DIP2C: variants seen among roughly 807,000 people sequenced by gnomAD.
DIP2C encodes the protein disco-interacting protein 2 homolog C.
DIP2C carries 33 observed loss-of-function variants against 192.4 expected under a neutral mutation model. The ratio of observed to expected loss-of-function variants is 0.17; its 90% confidence interval spans 0.13 to 0.23. The LOEUF (loss-of-function observed/expected upper bound fraction) is 0.23, where lower values mean the gene tolerates loss of function less well. Among genes scored for constraint, DIP2C ranks in the 10% least tolerant of loss-of-function variants. DIP2C has a pLI of 1.00. For missense variants in DIP2C, 1,537 were observed against 2,110.1 expected (o/e 0.73, Z 5.32); for synonymous variants, 979 against 864.1 (o/e 1.13, Z -2.33).
chr10:404,310 G>A (rs1325245684), intron 9 of DIP2C, among the ~76,000 whole-genome samples: 1 of 151,696 alleles, frequency 6.6e-6, no homozygotes, highest in Non-Finnish European at 1.5e-5. Flanking sequence ...CCCGGTTCAA[G>A]CGATTCTCTT....
intron 32 of DIP2C, among the ~76,000 whole-genome samples, chr10:304,414 G>A (rs922751418): frequency 4.6e-5 from 7 of 152,128 alleles, no homozygotes; most frequent in African/African-American, 1.7e-4. Flanking sequence ...ATTCAGCAAA[G>A]GGACACGAGC....
intron 1 of DIP2C, among the ~76,000 whole-genome samples, chr10:580,731 ATTT>A (rs939691149): frequency 5.9e-5 from 9 of 151,800 alleles, no homozygotes; most frequent in East Asian, 1.9e-4. Context: ...GTTCCACATA[ATTT>A]TTTTTTCCAA....
At chr10:474,698 G>C (rs1033662933) in intron 2 of DIP2C, among the ~76,000 whole-genome samples, 3 of 152,216 alleles carry the variant, frequency 2.0e-5, no homozygotes, top group African/African-American at 7.2e-5. Flanking sequence ...CCACACATCC[G>C]AAAGTGCTTC....
chr10:310,605 A>C (rs1389044830), intron 31 of DIP2C, among the ~76,000 whole-genome samples: 2 of 152,172 alleles, frequency 1.3e-5, no homozygotes, highest in Non-Finnish European at 2.9e-5. Context: ...CTCTGGCCTG[A>C]GGAGGGCATT....
chr10:618,063 T>C (rs1479046404), intron 1 of DIP2C, among the ~76,000 whole-genome samples: 1 of 152,188 alleles, frequency 6.6e-6, no homozygotes, highest in Non-Finnish European at 1.5e-5. Context: ...AATTCCAAAA[T>C]ACTCTTTCAG....
intron 1 of DIP2C, among the ~76,000 whole-genome samples, chr10:672,344 C>T (rs1830693521): frequency 6.6e-6 from 1 of 152,250 alleles, no homozygotes; most frequent in Admixed American, 6.5e-5. Flanking sequence ...GGAAACAGGC[C>T]AGAGACGCGC....
chr10:404,678 G>A (rs983347535), intron 9 of DIP2C, among the ~76,000 whole-genome samples: 4 of 152,158 alleles, frequency 2.6e-5, no homozygotes, highest in South Asian at 2.1e-4. Flanking sequence ...TGGAAAGGTC[G>A]GAATGCAGGA....
At chr10:360,536 G>GT (rs956919447) in intron 22 of DIP2C, among the ~76,000 whole-genome samples, 17 of 152,218 alleles carry the variant, frequency 1.1e-4, no homozygotes, top group African/African-American at 4.1e-4. Context: ...CAGGGCGGGA[G>GT]TTTTATCTCA....
intron 32 of DIP2C, among the ~76,000 whole-genome samples, chr10:309,618 G>T (rs534593896): frequency 6.6e-6 from 1 of 151,558 alleles, no homozygotes; most frequent in South Asian, 2.1e-4. Context: ...GAATGCAGAG[G>T]TGCAATCTCA....
intron 17 of DIP2C, 146 bp downstream of exon 17, chr10:382,500 TA>T: frequency 3.2e-6 from 2 of 621,278 alleles, no homozygotes; most frequent in South Asian, 2.0e-5. Flanking sequence ...TTCCAGCACA[TA>T]AAAACAGAAA....
intron 24 of DIP2C, among the ~76,000 whole-genome samples, chr10:354,331 A>AGGTGACCACAGGTGTTCAGGGACACTGG (rs1958970528): frequency 1.3e-5 from 2 of 152,176 alleles, no homozygotes; most frequent in African/African-American, 4.8e-5. Context: ...CCAGCTATGC[A>AGGTGACCACAGGTGTTCAGGGACACTGG]GGTGACCACA....
At chr10:376,212 C>A (rs947419518) in intron 17 of DIP2C, among the ~76,000 whole-genome samples, 1 of 151,972 alleles carries the variant, frequency 6.6e-6, no homozygotes, top group Non-Finnish European at 1.5e-5. Context: ...ACAAAGCAGG[C>A]GCGAGAGCAG....
intron 2 of DIP2C, chr10:484,998 A>G (rs758859854): frequency 1.3e-6 from 2 of 1,530,898 alleles, no homozygotes; most frequent in Non-Finnish European, 1.7e-6. Flanking sequence ...AGTTTTTTTT[A>G]AATTTGTTAC....
chr10:492,559 G>C (rs1418498155), intron 1 of DIP2C, among the ~76,000 whole-genome samples: 14 of 152,154 alleles, frequency 9.2e-5, no homozygotes. Flanking sequence ...TTGTTATTTA[G>C]TGCCTAGCGC....
intron 1 of DIP2C, among the ~76,000 whole-genome samples, chr10:632,014 T>C (rs191827511): frequency 2.8e-4 from 42 of 152,324 alleles, no homozygotes; most frequent in Admixed American, 5.9e-4. Context: ...ATTTTTGAGC[T>C]GGGAAGAGCC....
Position 276,082 on chromosome 10 carries a change from A to G in DIP2C, c.*1243T>C, listed in dbSNP as rs2132104735. On this transcript the variant is annotated 3_prime_UTR_variant, in exon 37 of 37. Transcript: ENST00000280886. The stretch of plus-strand genomic sequence containing the variant: ...GCATTCCTTTTCGTAGCAAGGACCA[A>G]AAAAAGATGACATTAACAAAAATGA... 6.5e-6 allele frequency: 1 copy of G among 152,722 alleles called. No homozygotes were observed. The highest frequency in any genetic ancestry group is 2.4e-5 in the African/African-American group (1 of 41,592). 9.5% of individuals were successfully genotyped at this position (152,722 alleles called of 1,614,324 possible). A position where few individuals can be genotyped will look rare whatever the true frequency, so the allele number is the denominator to read the frequency against.
chr10:476,017 G>A (rs146984624), intron 2 of DIP2C, among the ~76,000 whole-genome samples: 11 of 152,326 alleles, frequency 7.2e-5, no homozygotes, highest in Middle Eastern at 3.4e-3. Context: ...TCACAGTCAC[G>A]TTCAGTTTGG....
chr10:518,396 G>GCA (rs1846498196), intron 1 of DIP2C, among the ~76,000 whole-genome samples: 1 of 152,264 alleles, frequency 6.6e-6, no homozygotes, highest in Admixed American at 6.5e-5. Context: ...GTACGCACTT[G>GCA]CAGCTCTGAC....
chr10:600,282 A>G (rs1044668882), intron 1 of DIP2C, among the ~76,000 whole-genome samples: 4 of 152,108 alleles, frequency 2.6e-5, no homozygotes, highest in African/African-American at 9.7e-5. Flanking sequence ...TGCCCAGCTC[A>G]TGTCAGGGCA....
Sources: allele counts gnomAD v4.1 joint callset (sites outside exome capture counted in the v4.1 genomes callset), GRCh38; gene constraint gnomAD v4.1.1; transcripts MANE v1.5; gene names NCBI Gene and HGNC (gene_info 2026-07-23, HGNC 2026-07-21).